Variants in GRIA1 observed in about 807,000 individuals in gnomAD.
GRIA1 encodes glutamate ionotropic receptor AMPA type subunit 1, also known as glutamate receptor 1.
GRIA1 carries 31 observed loss-of-function variants against 99.2 expected under a neutral mutation model. The observed-to-expected ratio is 0.31, with a 90% CI of 0.23 to 0.42. GRIA1 has a LOEUF of 0.42. GRIA1 is among the 10% of genes least tolerant of loss of function. The pLI is 1.00. For synonymous variants in GRIA1, 438 were observed against 432.4 expected, an observed-to-expected ratio of 1.01 and a Z score of -0.16; for missense variants, 782 against 1,157.5, an observed-to-expected ratio of 0.68 and a Z score of 4.71.
rs537842688 is a variant in GRIA1 at position 153,608,345 on chromosome 5, T to C, written c.221-38583T>C. Reference sequence around the variant, plus strand: ...CAATTAATTCTTCAGACATCATTTATGTGTCCTTCTTTTTTCACTTTATGA... The same window carrying C: ...CAATTAATTCTTCAGACATCATTTACGTGTCCTTCTTTTTTCACTTTATGA... On this transcript the variant is annotated intron_variant, in intron 2 of 15. Coordinates refer to ENST00000285900, the MANE Select transcript of GRIA1 (RefSeq NM_000827.4). Among the ~76,000 whole-genome samples, 310 of 152,330 alleles carry C rather than the reference T, an allele frequency of 2.0e-3. 1 individual carries two copies. Among genetic ancestry groups the C allele is most frequent in the African/African-American group, 6.7e-3 (277 of 41,562 alleles).
chr5:153,520,887 G>T (rs1337295156), intron 2 of GRIA1, among the ~76,000 whole-genome samples: 3 of 152,162 alleles, frequency 2.0e-5, no homozygotes, highest in Non-Finnish European at 4.4e-5. Flanking sequence ...AATCATGAAA[G>T]CATTTCCATG....
chr5:153,753,554 G>A (rs1022322553), intron 11 of GRIA1, among the ~76,000 whole-genome samples: 11 of 152,082 alleles, frequency 7.2e-5, no homozygotes, highest in South Asian at 2.1e-4. Flanking sequence ...CTCTGGGCTC[G>A]TCATCTTAGG....
At chr5:153,675,188 G>C (rs1176294658) in intron 6 of GRIA1, among the ~76,000 whole-genome samples, 1 of 152,240 alleles carries the variant, frequency 6.6e-6, no homozygotes, top group African/African-American at 2.4e-5. Context: ...GCTGGAAAAT[G>C]GTGGTTCTAT....
chr5:153,706,218 A>T, intron 11 of GRIA1, 151 bp downstream of exon 11: 1 of 739,494 alleles, frequency 1.4e-6, no homozygotes, highest in Non-Finnish European at 2.2e-6. Context: ...TCAACTGTCC[A>T]TTGCACGCTG....
intron 2 of GRIA1, among the ~76,000 whole-genome samples, chr5:153,640,243 A>G (rs942855850): frequency 3.9e-5 from 6 of 152,116 alleles, no homozygotes; most frequent in African/African-American, 1.4e-4. Flanking sequence ...AATAATAAAT[A>G]CACAAATATG....
At chr5:153,579,377 G>A (rs1762849257) in intron 2 of GRIA1, among the ~76,000 whole-genome samples, 1 of 152,156 alleles carries the variant, frequency 6.6e-6, no homozygotes, top group Non-Finnish European at 1.5e-5. Context: ...ACTCAAGTGT[G>A]TTATTTAACC....
At chr5:153,658,401 T>A (rs546412741) in intron 5 of GRIA1, among the ~76,000 whole-genome samples, 4 of 152,278 alleles carry the variant, frequency 2.6e-5, no homozygotes, top group Middle Eastern at 6.8e-3. Flanking sequence ...GGCTGTTGTA[T>A]CCTTCTGATC....
chr5:153,722,950 G>T (rs535572799), intron 11 of GRIA1, among the ~76,000 whole-genome samples: 207 of 152,284 alleles, frequency 1.4e-3, no homozygotes, highest in Non-Finnish European at 2.7e-3. Flanking sequence ...ACACCTAAAA[G>T]TGATGGGTAA....
chr5:153,726,919 C>A (rs1464569106), intron 11 of GRIA1, among the ~76,000 whole-genome samples: 4 of 152,162 alleles, frequency 2.6e-5, no homozygotes, highest in Admixed American at 2.6e-4. Flanking sequence ...CAAAGCCGGG[C>A]AGAGACACAA....
rs1013474586 is a variant in GRIA1, at chr5:153,795,747, A to G, written c.2385+1012A>G. 1.4e-4 allele frequency among the ~76,000 whole-genome samples: 22 copies of G among 152,270 alleles called. No homozygotes were observed. The South Asian group carries it at 3.9e-3, about 27-fold the overall frequency. Reference sequence around the variant, plus strand: ...GTCCAGGCAGGGTTAAAAAGTTTGAATATCAGCACGCCAGTGTTTCCCAAC... The same window carrying G: ...GTCCAGGCAGGGTTAAAAAGTTTGAGTATCAGCACGCCAGTGTTTCCCAAC... On this transcript the variant is annotated intron_variant, in intron 14 of 15. Transcript: ENST00000285900.
At chr5:153,641,071 A>G (rs1406676566) in intron 2 of GRIA1, among the ~76,000 whole-genome samples, 1 of 152,180 alleles carries the variant, frequency 6.6e-6, no homozygotes, top group South Asian at 2.1e-4. Flanking sequence ...TTAGAGTAAG[A>G]TGATGAAGAA....
intron 2 of GRIA1, among the ~76,000 whole-genome samples, chr5:153,569,193 A>T (rs1463507020): frequency 6.6e-6 from 1 of 152,226 alleles, no homozygotes; most frequent in Non-Finnish European, 1.5e-5. Context: ...GGCACTAAGC[A>T]TGTAGTAGGT....
chr5:153,492,085 C>T, intron 1 of GRIA1: 1 of 1,368,158 alleles, frequency 7.3e-7, no homozygotes, highest in Non-Finnish European at 9.6e-7. Flanking sequence ...GTCTCTCTCC[C>T]CTGGTAGGGA....
At chr5:153,801,212 G>A (rs1290641512) in intron 14 of GRIA1, among the ~76,000 whole-genome samples, 1 of 152,016 alleles carries the variant, frequency 6.6e-6, no homozygotes, top group Non-Finnish European at 1.5e-5. Flanking sequence ...TTGGGAAGGT[G>A]TTGTCCCTCA....
At chr5:153,546,691 A>G (rs1759646693) in intron 2 of GRIA1, among the ~76,000 whole-genome samples, 1 of 152,230 alleles carries the variant, frequency 6.6e-6, no homozygotes, top group Admixed American at 6.5e-5. Context: ...GTCAGGCCTC[A>G]AACTCAGCTC....
At chr5:153,497,338 G>T (rs922644301) in intron 2 of GRIA1, among the ~76,000 whole-genome samples, 3 of 152,198 alleles carry the variant, frequency 2.0e-5, no homozygotes, top group Admixed American at 2.0e-4. Context: ...AGGAATAAAT[G>T]AAATGCTGAT....
chr5:153,588,916 A>T (rs1763727691), intron 2 of GRIA1, among the ~76,000 whole-genome samples: 1 of 152,200 alleles, frequency 6.6e-6, no homozygotes, highest in Non-Finnish European at 1.5e-5. Context: ...CATTTGCTTC[A>T]TAACACCTAA....
At chr5:153,530,543 T>C (rs190311698) in intron 2 of GRIA1, among the ~76,000 whole-genome samples, 41 of 152,356 alleles carry the variant, frequency 2.7e-4, no homozygotes, top group Middle Eastern at 3.4e-3. Flanking sequence ...GGATTGTGAG[T>C]GTTGCTATCT....
chr5:153,516,633 C>A (rs959578131), intron 2 of GRIA1, among the ~76,000 whole-genome samples: 3 of 152,082 alleles, frequency 2.0e-5, no homozygotes, highest in Non-Finnish European at 4.4e-5. Context: ...GTCTCTTTAA[C>A]CTCTGGAATC....
Sources: gnomAD v4.1 joint callset for allele counts (sites outside exome capture counted in the v4.1 genomes callset) on GRCh38, gnomAD v4.1.1 for gene constraint, MANE v1.5 for transcripts, NCBI Gene and HGNC (gene_info 2026-07-23, HGNC 2026-07-21) for gene names.